Variants in PTPRD observed in about 807,000 individuals in gnomAD.
PTPRD encodes the protein protein tyrosine phosphatase receptor type D.
Under a neutral mutation model 214.5 loss-of-function variants are expected in PTPRD, and 34 were observed. The ratio of observed to expected loss-of-function variants is 0.16; its 90% confidence interval spans 0.12 to 0.21. The LOEUF (loss-of-function observed/expected upper bound fraction) is 0.21. Among genes scored for constraint, PTPRD ranks in the 10% least tolerant of loss-of-function variants. The pLI is 1.00. For synonymous variants in PTPRD, 1,128 were observed against 845.7 expected, an observed-to-expected ratio of 1.33 and a Z score of -5.79; for missense variants, 2,545 against 2,398.7, an observed-to-expected ratio of 1.06 and a Z score of -1.27.
chr9:8,534,044 CTGTT>C (rs1407050904), intron 14 of PTPRD, among the ~76,000 whole-genome samples: 1 of 152,008 alleles, frequency 6.6e-6, no homozygotes, highest in African/African-American at 2.4e-5. Context: ...TAAAAAATGG[CTGTT>C]TGTGACTTTA....
chr9:8,723,617 T>C (rs927589998), intron 12 of PTPRD, among the ~76,000 whole-genome samples: 1 of 152,230 alleles, frequency 6.6e-6, no homozygotes, highest in African/African-American at 2.4e-5. Context: ...AAATTTGTTT[T>C]AAAAGATAAG....
chr9:9,264,834 C>A (rs183267663), intron 9 of PTPRD, among the ~76,000 whole-genome samples: 1 of 150,562 alleles, frequency 6.6e-6, no homozygotes. Context: ...GATTATCAGC[C>A]GATTTTTCAG....
chr9:9,784,350 T>C (rs533956310), intron 5 of PTPRD, among the ~76,000 whole-genome samples: 1 of 152,072 alleles, frequency 6.6e-6, no homozygotes, highest in African/African-American at 2.4e-5. Context: ...AGTGACGTAA[T>C]TTTTATTTAA....
chr9:10,139,905 C>T (rs111573590), intron 3 of PTPRD, among the ~76,000 whole-genome samples: 2,211 of 152,152 alleles, frequency 0.015, 32 homozygotes, highest in South Asian at 0.024. Flanking sequence ...AGATTAATGA[C>T]TTAAATGAAA....
At chr9:9,938,342 C>T (rs940939814) in intron 5 of PTPRD, among the ~76,000 whole-genome samples, 165 bp downstream of exon 5, 1 of 152,280 alleles carries the variant, frequency 6.6e-6, no homozygotes, top group South Asian at 2.1e-4. Context: ...CCTAAAGACA[C>T]TATCGAATTT....
At chr9:10,318,020 A>G (rs2154425056) in intron 3 of PTPRD, among the ~76,000 whole-genome samples, 1 of 152,054 alleles carries the variant, frequency 6.6e-6, no homozygotes, top group East Asian at 1.9e-4. Context: ...CATTTTACAT[A>G]TGTCTGTCTA....
At chr9:9,368,862 C>T (rs1190508472) in intron 9 of PTPRD, among the ~76,000 whole-genome samples, 2 of 151,710 alleles carry the variant, frequency 1.3e-5, no homozygotes. Flanking sequence ...CCCATTAACT[C>T]GTGTCGTCAT....
chr9:9,518,400 A>G (rs1048848405), intron 8 of PTPRD, among the ~76,000 whole-genome samples: 1 of 152,112 alleles, frequency 6.6e-6, no homozygotes, highest in Non-Finnish European at 1.5e-5. Flanking sequence ...TTAGGTGGAT[A>G]TAATGTATAG....
Position 8,910,036 on chromosome 9 carries a change from A to T in PTPRD, c.-104+108661T>A, listed in dbSNP as rs571294638. On this transcript the variant is annotated intron_variant, in intron 11 of 45. Transcript: ENST00000381196. ...TTATGTAGAAATTTATTTATTTATT[A>T]TTTATTTATTTATTTATTTTGAGAT... Among the ~76,000 whole-genome samples, 29 of 151,366 alleles carry T rather than the reference A, an allele frequency of 1.9e-4. No individual in the cohort carries two copies. In the East Asian group the frequency reaches 4.5e-3, roughly 23 times the overall value.
intron 3 of PTPRD, among the ~76,000 whole-genome samples, chr9:10,292,982 A>C (rs549351496): frequency 1.3e-5 from 2 of 152,084 alleles, no homozygotes; most frequent in South Asian, 2.1e-4. Flanking sequence ...GTTTACAGTA[A>C]AATGTTCATT....
intron 11 of PTPRD, among the ~76,000 whole-genome samples, chr9:8,822,334 A>C (rs1258613892): frequency 6.6e-6 from 1 of 151,504 alleles, no homozygotes; most frequent in Non-Finnish European, 1.5e-5. Context: ...AAGCAAACTC[A>C]GATAGAGAAA....
At chr9:8,582,652 C>T (rs748695555) in intron 14 of PTPRD, among the ~76,000 whole-genome samples, 43 of 152,172 alleles carry the variant, frequency 2.8e-4, no homozygotes, top group Non-Finnish European at 5.4e-4. Context: ...CTACTAGGCA[C>T]CAGTGGGGGG....
At chr9:8,927,450 C>T (rs1252519929) in intron 11 of PTPRD, among the ~76,000 whole-genome samples, 2 of 152,056 alleles carry the variant, frequency 1.3e-5, no homozygotes, top group East Asian at 3.9e-4. Flanking sequence ...TGAGTGAGAA[C>T]ATGTGGTGTT....
At chr9:8,375,898 T>A (rs1312990461) in intron 39 of PTPRD, 38 bp downstream of exon 39, 2 of 1,589,738 alleles carry the variant, frequency 1.3e-6, no homozygotes. Flanking sequence ...CAATTTAGCT[T>A]TCTGTTTCCT....
At chr9:8,675,115 T>G (rs2097373912) in intron 12 of PTPRD, among the ~76,000 whole-genome samples, 1 of 152,112 alleles carries the variant, frequency 6.6e-6, no homozygotes, top group South Asian at 2.1e-4. Flanking sequence ...TCGCATACAC[T>G]TGGGACATAT....
At chr9:8,450,583 T>C (rs966581180) in intron 33 of PTPRD, among the ~76,000 whole-genome samples, 7 of 152,338 alleles carry the variant, frequency 4.6e-5, no homozygotes, top group East Asian at 1.9e-4. Context: ...CAAGGTGCCA[T>C]TGACAGTGCC....
At chr9:9,324,105 T>C (rs947231260) in intron 9 of PTPRD, among the ~76,000 whole-genome samples, 8 of 152,144 alleles carry the variant, frequency 5.3e-5, no homozygotes, top group Non-Finnish European at 1.2e-4. Flanking sequence ...GACATTTGGG[T>C]TGGTTCCAAG....
At chr9:8,738,950 G>C (rs1281879235) in intron 11 of PTPRD, among the ~76,000 whole-genome samples, 1 of 152,128 alleles carries the variant, frequency 6.6e-6, no homozygotes, top group Admixed American at 6.5e-5. Context: ...ATTAAGTTGG[G>C]GGATGGTATG....
At chr9:9,201,453 T>C in intron 9 of PTPRD, among the ~76,000 whole-genome samples, 1 of 152,150 alleles carries the variant, frequency 6.6e-6, no homozygotes, top group East Asian at 1.9e-4. Context: ...TTTTGATCAG[T>C]CTTCCTAAGA....
Sources: gnomAD v4.1 joint callset for allele counts (sites outside exome capture counted in the v4.1 genomes callset) on GRCh38, gnomAD v4.1.1 for gene constraint, MANE v1.5 for transcripts, NCBI Gene and HGNC (gene_info 2026-07-23, HGNC 2026-07-21) for gene names.